LVRN: variants seen among roughly 807,000 people sequenced by gnomAD.
The protein encoded by LVRN is laeverin.
In LVRN, 99 loss-of-function variants were observed where a neutral mutation model predicts 111.4. The ratio of observed to expected loss-of-function variants is 0.89; its 90% CI spans 0.76 to 1.05. The LOEUF is 1.05. Ranked by LOEUF, LVRN falls within the 50% of genes least tolerant of loss-of-function variation. The pLI is 0.00. For synonymous variants in LVRN, 488 were observed against 449.5 expected, an observed-to-expected ratio of 1.09 and a Z score of -1.08; for missense variants, 1,414 against 1,206.8, an observed-to-expected ratio of 1.17 and a Z score of -2.54.
At chr5:115,990,282 T>A (rs994633568) in intron 4 of LVRN, among the ~76,000 whole-genome samples, 1 of 152,220 alleles carries the variant, frequency 6.6e-6, no homozygotes, top group South Asian at 2.1e-4. Flanking sequence ...AGATTTCCTA[T>A]GCCTATACCA....
chr5:115,972,803 A>G (rs899827598), intron 1 of LVRN, among the ~76,000 whole-genome samples: 3 of 152,134 alleles, frequency 2.0e-5, no homozygotes, highest in African/African-American at 4.8e-5. Flanking sequence ...AAGAGCTATG[A>G]TCAGGAATGG....
At chr5:115,967,065 C>A (rs4920902) in intron 1 of LVRN, among the ~76,000 whole-genome samples, 121,846 of 152,100 alleles carry the variant, frequency 0.8, 49,004 homozygotes, top group African/African-American at 0.85. Flanking sequence ...ATATGGTTTG[C>A]AAATATGTTC....
chr5:115,994,892 G>C (rs1748072364), intron 6 of LVRN, among the ~76,000 whole-genome samples: 1 of 152,098 alleles, frequency 6.6e-6, no homozygotes, highest in Admixed American at 6.5e-5. Flanking sequence ...ATAAACCAGA[G>C]GTTCTTTCTT....
chr5:116,003,347 G>C lies in LVRN; in HGVS notation c.2004G>C (p.Lys668Asn). 6.7e-7 allele frequency: 1 copy of C among 1,498,194 alleles called. No homozygotes were observed. The highest frequency in any genetic ancestry group is 1.3e-5 in the South Asian group (1 of 79,186). 92.8% of individuals were successfully genotyped at this position (1,498,194 alleles called of 1,614,324 possible). ...TTAATTATGATAAATTAGGTTGGAA[G>C]AAACTAAATCAACAACTTGAAAAGG... is the stretch of plus-strand genomic sequence containing the variant. ...YRVNYDKLGW[K>N]KLNQQLEKDP... is the part of the protein sequence containing the mutation. The change falls in exon 12 of 20, where the codon AAG (lysine) becomes AAC (asparagine). Residue 668 changes from lysine (K) to asparagine (N), a missense_variant. Lys to Asn is a moderately conservative substitution (Grantham distance 94, BLOSUM62 0). Coordinates refer to ENST00000357872, the MANE Select transcript of LVRN (RefSeq NM_173800.5).
At position 115,979,910 on chromosome 5, in the gene LVRN, A is replaced by T. The variant is rs1386277112; in HGVS notation, c.696-3377A>T. ...TGGAATGAAATAGCTTACTGAGTGG[A>T]TGTAGTAGATTTTTGTTTATGTTGT... On this transcript the variant is annotated intron_variant, in intron 1 of 19. Coordinates refer to ENST00000357872, the MANE Select transcript of LVRN (RefSeq NM_173800.5). 2.6e-5 allele frequency among the ~76,000 whole-genome samples: 4 copies of T among 152,178 alleles called. No homozygotes were observed. The East Asian group carries it at 7.7e-4, about 29-fold the overall frequency.
rs190748273 is a variant in LVRN at position 115,994,553 on chromosome 5, G to T, written c.1374+699G>T. ...CTCCCAAAGTGCTGGGATTACAGGC[G>T]TGAGCTACCGCGCCCAACCTAGACT... is the stretch of plus-strand genomic sequence containing the variant. On this transcript the variant is annotated intron_variant, in intron 6 of 19. Coordinates refer to ENST00000357872, the MANE Select transcript of LVRN (RefSeq NM_173800.5). Among the ~76,000 whole-genome samples, 626 of 152,290 alleles carry T rather than the reference G, an allele frequency of 4.1e-3. 3 individuals carry two copies. Among genetic ancestry groups the T allele is most frequent in the African/African-American group, 0.015 (603 of 41,566 alleles).
intron 6 of LVRN, among the ~76,000 whole-genome samples, chr5:115,998,211 C>T (rs1748161951): frequency 6.6e-6 from 1 of 151,244 alleles, no homozygotes; most frequent in Admixed American, 6.6e-5. Flanking sequence ...TTTTCTTTTG[C>T]AAAAGTTTTA....
intron 1 of LVRN, among the ~76,000 whole-genome samples, chr5:115,965,087 A>G (rs183785997): frequency 1.3e-5 from 2 of 152,312 alleles, no homozygotes; most frequent in Admixed American, 1.3e-4. Context: ...AATAGATATA[A>G]TAACTGTCAA....
chr5:115,996,627 T>C (rs1012994181), intron 6 of LVRN, among the ~76,000 whole-genome samples: 2 of 152,168 alleles, frequency 1.3e-5, no homozygotes, highest in Admixed American at 6.5e-5. Context: ...TATTTCGAGG[T>C]CTAATTTCAG....
intron 13 of LVRN, chr5:116,010,495 T>C: frequency 1.8e-6 from 1 of 550,340 alleles, no homozygotes; most frequent in South Asian, 1.5e-5. Flanking sequence ...AGTCCAACAT[T>C]TGGCCTGAAT....
At chr5:116,007,521 C>G (rs557984813) in intron 13 of LVRN, among the ~76,000 whole-genome samples, 3 of 152,304 alleles carry the variant, frequency 2.0e-5, no homozygotes, top group East Asian at 3.9e-4. Flanking sequence ...TTATCCCTGA[C>G]TTTTATATGT....
intron 18 of LVRN, chr5:116,021,625 GTATATATTAAC>G (rs1748731121): frequency 2.9e-6 from 1 of 350,014 alleles, no homozygotes; most frequent in Admixed American, 3.8e-5. Context: ...TAAATCAATT[GTATATATTAAC>G]TATTCAACTG....
intron 1 of LVRN, among the ~76,000 whole-genome samples, chr5:115,977,345 C>T (rs769342868): frequency 1.1e-4 from 17 of 152,114 alleles, no homozygotes; most frequent in Admixed American, 2.6e-4. Context: ...GAAACTGCTT[C>T]GAGGCAGAAA....
In LVRN at chr5:115,996,557, GATT is replaced by G. The variant is rs977914189; in HGVS notation, c.1374+2704_1374+2706del. On this transcript the variant is annotated intron_variant, in intron 6 of 19. Transcript: ENST00000357872. ...TAACCTCCTTTTAATCTAGTAATGT[GATT>G]GAAATTGAGTAACAGAATCATAGAC... Among the ~76,000 whole-genome samples the G allele has an allele frequency of 3.9e-4, 60 of 152,278 alleles. 1 individual carries two copies. In the Middle Eastern group the frequency reaches 0.02, roughly 52 times the overall value.
chr5:116,005,941 G>C lies in LVRN; in HGVS notation c.2067G>C (p.Leu689Phe), dbSNP rs10078759. 0.83 allele frequency: 1,305,854 copies of C among 1,581,990 alleles called. 541,343 individuals are homozygous for C. The highest frequency in any genetic ancestry group is 0.84 in the Non-Finnish European group (964,646 of 1,151,444). Reference protein sequence around the residue: ...KAIPVIHRLQLIDDAFSLSKN... With the variant: ...KAIPVIHRLQFIDDAFSLSKN... ...TTCCTGTTATTCACAGACTGCAGTT[G>C]ATTGATGATGCCTTTTCCTTGTCTA... Residue 689 changes from leucine to phenylalanine, a missense_variant, in exon 13 of 20, where the codon TTG becomes TTC. Physicochemically the swap from Leu to Phe is conservative, Grantham distance 22. Transcript: ENST00000357872.
At chr5:115,991,183 T>C (rs1321709723) in intron 4 of LVRN, among the ~76,000 whole-genome samples, 5 of 152,298 alleles carry the variant, frequency 3.3e-5, no homozygotes. Flanking sequence ...AAAAATCCCC[T>C]GTTCTCCATC....
rs575465142 is a variant in LVRN, at chr5:115,983,369, T to G, written c.778T>G (p.Phe260Val). The G allele has an allele frequency of 9.9e-6, 16 of 1,611,380 alleles. 1 individual carries two copies. The South Asian group carries it at 1.8e-4, about 18-fold the overall frequency. The change falls in exon 2 of 20, where the codon TTT becomes GTT. Residue 260 changes from phenylalanine to valine, a missense_variant. Coordinates refer to ENST00000357872, the MANE Select transcript of LVRN (RefSeq NM_173800.5). ...TGATGAGCCAGCTCTGAAGGCAACT[T>G]TTAATATTACAATGATTCATCATCC... is the stretch of plus-strand genomic sequence containing the variant. The part of the protein sequence containing the change: ...CFDEPALKAT[F>V]NITMIHHPSY...
chr5:116,018,555 C>G (rs760613525), intron 18 of LVRN, among the ~76,000 whole-genome samples: 6 of 151,984 alleles, frequency 3.9e-5, no homozygotes, highest in Admixed American at 6.5e-5. Flanking sequence ...GCCTGTAATC[C>G]CAGCTACTCA....
At chr5:115,972,915 G>A (rs1753357907) in intron 1 of LVRN, among the ~76,000 whole-genome samples, 1 of 151,594 alleles carries the variant, frequency 6.6e-6, no homozygotes, top group South Asian at 2.1e-4. Flanking sequence ...ATTTTCTAAT[G>A]ATAAACTAGC....
Sources: allele counts gnomAD v4.1 joint callset (sites outside exome capture counted in the v4.1 genomes callset), GRCh38; gene constraint gnomAD v4.1.1; transcripts MANE v1.5; gene names NCBI Gene and HGNC (gene_info 2026-07-23, HGNC 2026-07-21).